Variants in TWIST2 observed in about 807,000 individuals in gnomAD.
The protein encoded by TWIST2 is twist family bHLH transcription factor 2, also known as twist-related protein 2.
A neutral mutation model predicts 11.6 loss-of-function variants in TWIST2; 1 was observed. The ratio of observed to expected loss-of-function variants is 0.09; its 90% confidence interval spans 0.03 to 0.41. The LOEUF (loss-of-function observed/expected upper bound fraction) is 0.41, where lower values mean the gene tolerates loss of function less well. Among genes scored for constraint, TWIST2 ranks in the 10% least tolerant of loss-of-function variants. The pLI is 0.98. For missense variants in TWIST2, 168 were observed against 226.4 expected, an observed-to-expected ratio of 0.74 and a Z score of 1.66; for synonymous variants, 87 against 96.6, an observed-to-expected ratio of 0.90 and a Z score of 0.58.
chr2:238,893,041 C>T (rs983138451), intron 1 of TWIST2, among the ~76,000 whole-genome samples: 3 of 152,130 alleles, frequency 2.0e-5, no homozygotes, highest in African/African-American at 7.2e-5. Context: ...CCAACTGCTC[C>T]GCCAGAAACT....
At chr2:238,906,785 T>C (rs1027484175) in intron 1 of TWIST2, among the ~76,000 whole-genome samples, 17 of 152,142 alleles carry the variant, frequency 1.1e-4, no homozygotes, top group Non-Finnish European at 2.2e-4. Context: ...ACCCCTCTCC[T>C]GGCGGCCGCC....
chr2:238,861,577 C>T (rs1214980789), intron 1 of TWIST2, among the ~76,000 whole-genome samples: 1 of 152,104 alleles, frequency 6.6e-6, no homozygotes, highest in Non-Finnish European at 1.5e-5. Context: ...CACTCCTCCT[C>T]CCTATCTCTA....
rs547956957 is a variant in TWIST2 at position 238,869,146 on chromosome 2, G to T, written c.*35+20413G>T. ...CCTGCAAAGCCTGCTTCCGAAGCGA[G>T]CAACGTGGACTTGTTTGCACAGAAT... On this transcript the variant is annotated intron_variant, in intron 1 of 1. Transcript: ENST00000612363. Among the ~76,000 whole-genome samples, 9 of 152,352 alleles carry T rather than the reference G, an allele frequency of 5.9e-5. No individual in the cohort carries two copies. The South Asian group carries it at 1.9e-3, about 32-fold the overall frequency.
intron 1 of TWIST2, among the ~76,000 whole-genome samples, chr2:238,889,929 C>G (rs1693102451): frequency 6.6e-6 from 1 of 152,236 alleles, no homozygotes; most frequent in Non-Finnish European, 1.5e-5. Flanking sequence ...GGGTGCCCGG[C>G]TGGCTGGAGA....
rs1460562408 is a variant in TWIST2 at position 238,848,104 on chromosome 2, TC to T, written c.-111del. ...GGTTTTGCACAAGCCGGCCTTGAAA[TC>T]AGAGCCTTTCCAGCAACTCCGAGAG... On this transcript the variant is annotated 5_prime_UTR_variant, in exon 1 of 2. Transcript: ENST00000612363. 1.1e-6 allele frequency: 1 copy of T among 916,080 alleles called. No individual in the cohort carries two copies. The highest frequency in any genetic ancestry group is 1.8e-5 in the African/African-American group (1 of 56,710). The allele number at this position is 916,080 out of a possible 1,614,324, so 56.7% of individuals were successfully genotyped here. A position where few individuals can be genotyped will look rare whatever the true frequency, so the allele number is the denominator to read the frequency against.
chr2:238,879,618 C>A (rs763365095), intron 1 of TWIST2, among the ~76,000 whole-genome samples: 1 of 152,146 alleles, frequency 6.6e-6, no homozygotes, highest in Non-Finnish European at 1.5e-5. Context: ...AATCACTTGC[C>A]CAGAAACCAG....
At chr2:238,876,425 TTA>T (rs1437108640) in intron 1 of TWIST2, among the ~76,000 whole-genome samples, 2 of 152,202 alleles carry the variant, frequency 1.3e-5, no homozygotes, top group African/African-American at 4.8e-5. Context: ...GTCCACTCAG[TTA>T]TTAAGCCCAC....
chr2:238,881,320 TTGG>T (rs1309803573), intron 1 of TWIST2, among the ~76,000 whole-genome samples: 3 of 148,134 alleles, frequency 2.0e-5, no homozygotes, highest in Admixed American at 6.8e-5. Flanking sequence ...AGTGTTAGTG[TTGG>T]TGTTAATATT....
At chr2:238,853,431 A>AAGAGAGAG (rs1692276969) in intron 1 of TWIST2, among the ~76,000 whole-genome samples, 1 of 109,468 alleles carries the variant, frequency 9.1e-6, no homozygotes, top group Non-Finnish European at 2.1e-5. Flanking sequence ...GAGAGAGAGA[A>AAGAGAGAG]GGAGAGAGGG....
At chr2:238,850,751 A>T (rs1226799221) in intron 1 of TWIST2, among the ~76,000 whole-genome samples, 1 of 152,246 alleles carries the variant, frequency 6.6e-6, no homozygotes, top group Non-Finnish European at 1.5e-5. Flanking sequence ...ATAGATAATT[A>T]CACAGTTAGT....
intron 1 of TWIST2, among the ~76,000 whole-genome samples, chr2:238,850,119 T>A (rs1202405619): frequency 2.0e-5 from 3 of 152,378 alleles, no homozygotes; most frequent in African/African-American, 4.8e-5. Context: ...TTCATTTTTT[T>A]AGCTTTTATT....
intron 1 of TWIST2, among the ~76,000 whole-genome samples, chr2:238,902,816 TGTGTGTATGTGATATA>T (rs1574768909): frequency 2.7e-3 from 364 of 134,446 alleles, no homozygotes; most frequent in South Asian, 6.1e-3. Context: ...GTGTGTGTGA[TGTGTGTATGTGATATA>T]GTGTGTGTGA....
At chr2:238,892,105 C>T (rs571021836) in intron 1 of TWIST2, among the ~76,000 whole-genome samples, 1 of 152,322 alleles carries the variant, frequency 6.6e-6, no homozygotes, top group East Asian at 1.9e-4. Context: ...CAGCCACTCC[C>T]ACCTGCCCTC....
intron 1 of TWIST2, among the ~76,000 whole-genome samples, chr2:238,905,481 G>A (rs1693329096): frequency 6.6e-6 from 1 of 152,190 alleles, no homozygotes; most frequent in African/African-American, 2.4e-5. Flanking sequence ...AGGCCCGGAG[G>A]CTCTCGGTCA....
chr2:238,904,218 T>C (rs1241090830), intron 1 of TWIST2, among the ~76,000 whole-genome samples: 1 of 69,970 alleles, frequency 1.4e-5, no homozygotes, highest in Non-Finnish European at 3.1e-5. Context: ...GTGTGTGATG[T>C]AGTGTGTGTG....
rs1341688821 is a variant in TWIST2 at position 238,880,859 on chromosome 2, G to GTGTT, written c.*36-28982_*36-28979dup. ...TTAGTGTTAGTACTAGTATTTATTA[G>GTGTT]TGTTAGTGTTATTGTTAGTGTTAGT... On this transcript the variant is annotated intron_variant, in intron 1 of 1. Coordinates refer to ENST00000612363, the MANE Select transcript of TWIST2 (RefSeq NM_001271893.4). Among the ~76,000 whole-genome samples, 658 of 117,576 alleles carry GTGTT rather than the reference G, an allele frequency of 5.6e-3. 55 individuals are homozygous for GTGTT. The highest frequency in any genetic ancestry group is 0.02 in the African/African-American group (625 of 31,956). 77.1% of individuals were successfully genotyped at this position (117,576 alleles called of 152,430 possible).
intron 1 of TWIST2, among the ~76,000 whole-genome samples, chr2:238,889,373 A>C (rs1203319366): frequency 6.6e-6 from 1 of 152,184 alleles, no homozygotes; most frequent in East Asian, 1.9e-4. Context: ...TTATATATAC[A>C]CACATATATA....
intron 1 of TWIST2, among the ~76,000 whole-genome samples, chr2:238,888,018 G>A (rs768692513): frequency 3.7e-4 from 57 of 152,302 alleles, no homozygotes; most frequent in Non-Finnish European, 7.2e-4. Context: ...AAACGGGTGG[G>A]CCATTTAAAA....
intron 1 of TWIST2, among the ~76,000 whole-genome samples, chr2:238,861,713 G>A (rs572977650): frequency 3.3e-5 from 5 of 152,258 alleles, no homozygotes; most frequent in South Asian, 2.1e-4. Flanking sequence ...CGTTACAGCC[G>A]TCCCGTTTAT....
Sources: allele counts gnomAD v4.1 joint callset (sites outside exome capture counted in the v4.1 genomes callset), GRCh38; gene constraint gnomAD v4.1.1; transcripts MANE v1.5; gene names NCBI Gene and HGNC (gene_info 2026-07-23, HGNC 2026-07-21).